Variants in DHX36 observed in about 807,000 individuals in gnomAD.
DHX36 encodes the protein DEAH-box helicase 36.
DHX36 carries 50 observed loss-of-function variants against 139.0 expected under a neutral mutation model. The observed-to-expected ratio is 0.36, with a 90% CI of 0.29 to 0.46. The LOEUF (loss-of-function observed/expected upper bound fraction) is 0.46. Ranked by LOEUF, DHX36 falls within the 20% of genes least tolerant of loss-of-function variation. DHX36 has a pLI of 1.00. For synonymous variants in DHX36, 425 were observed against 401.9 expected, an observed-to-expected ratio of 1.06 and a Z score of -0.69; for missense variants, 1,024 against 1,211.3, an observed-to-expected ratio of 0.85 and a Z score of 2.29.
At chr3:154,309,152 C>A (rs998013161) in intron 5 of DHX36, among the ~76,000 whole-genome samples, 1 of 151,900 alleles carries the variant, frequency 6.6e-6, no homozygotes, top group Non-Finnish European at 1.5e-5. Context: ...ATCACCACTG[C>A]GCTCCAGCTT....
chr3:154,317,185 A>G lies in DHX36; in HGVS notation c.244-1022T>C, dbSNP rs1713020472. 2.0e-5 allele frequency among the ~76,000 whole-genome samples: 3 copies of G among 152,204 alleles called. No individual in the cohort carries two copies. In the South Asian group the frequency reaches 6.2e-4, roughly 32 times the overall value. On this transcript the variant is annotated intron_variant, in intron 1 of 24. Transcript: ENST00000496811. ...TGAGAGAGCAGCAGTAAGATGAATC[A>G]TTAAAAGGAAGCTGCTCTGTGTTAC...
chr3:154,290,857 G>A (rs1045592732), intron 15 of DHX36, among the ~76,000 whole-genome samples: 1 of 150,860 alleles, frequency 6.6e-6, no homozygotes, highest in South Asian at 2.1e-4. Context: ...CATTGAGGCC[G>A]GGCGCGGTGG....
At chr3:154,301,626 C>T (rs1196302644) in intron 9 of DHX36, among the ~76,000 whole-genome samples, 2 of 152,104 alleles carry the variant, frequency 1.3e-5, no homozygotes, top group Admixed American at 6.5e-5. Flanking sequence ...TACAGACCCA[C>T]GCTAGAGAAC....
chr3:154,287,421 G>C (rs570212276), intron 17 of DHX36, among the ~76,000 whole-genome samples: 2 of 152,254 alleles, frequency 1.3e-5, no homozygotes, highest in African/African-American at 4.8e-5. Context: ...TTGGGAGGCT[G>C]AGGTGTGCGG....
At chr3:154,307,170 T>G (rs1023690567) in intron 5 of DHX36, among the ~76,000 whole-genome samples, 2 of 152,052 alleles carry the variant, frequency 1.3e-5, no homozygotes, top group African/African-American at 4.8e-5. Flanking sequence ...CTGAAACTAC[T>G]AGAAGAAAAC....
At chr3:154,316,222 ATT>A in intron 1 of DHX36, 59 bp from the exon 2 acceptor site, 1 of 1,598,990 alleles carries the variant, frequency 6.3e-7, no homozygotes, top group Non-Finnish European at 8.5e-7. Flanking sequence ...TGCAAAAATT[ATT>A]TGATACTGAA....
rs1307780505 is a variant in DHX36 at position 154,280,833 on chromosome 3, A to G, written c.2406T>C (p.Ala802=). 1 of 1,613,472 alleles carries G rather than the reference A, an allele frequency of 6.2e-7. No individual in the cohort carries two copies. Among genetic ancestry groups the G allele is most frequent in the East Asian group, 2.2e-5 (1 of 44,848 alleles). Residue 802 remains alanine, a synonymous_variant, in exon 21 of 25, where the codon GCT becomes GCC. Coordinates refer to ENST00000496811, the MANE Select transcript of DHX36 (RefSeq NM_020865.3). ...QMLHNMKGQF[A]EHLLGAGFVS... is the part of the protein sequence containing the mutation. ...CAAATCCAGCTCCAAGAAGATGCTC[A>G]GCAAACTGTCCTTTCATGTTATGCA... is the stretch of plus-strand genomic sequence containing the variant.
rs1389630626 is a variant in DHX36, at chr3:154,290,250, T to C, written c.1815-424A>G. ...TTACTGAAAAACATTTTAAGTACTATATATTTAGTGAGTTTTCAGAGGGAT... is the reference window on the plus strand; with the variant it reads ...TTACTGAAAAACATTTTAAGTACTACATATTTAGTGAGTTTTCAGAGGGAT... On this transcript the variant is annotated intron_variant, in intron 15 of 24. Transcript: ENST00000496811. 3.3e-5 allele frequency among the ~76,000 whole-genome samples: 5 copies of C among 152,290 alleles called. No individual in the cohort carries two copies. The East Asian group carries it at 7.7e-4, about 24-fold the overall frequency.
chr3:154,277,798 G>A (rs1719198099), intron 22 of DHX36, 80 bp from the exon 23 acceptor site: 2 of 1,300,754 alleles, frequency 1.5e-6, no homozygotes, highest in Non-Finnish European at 2.1e-6. Context: ...TTGAAAAACT[G>A]ATAGAAGAGC....
At chr3:154,292,839 T>A in intron 14 of DHX36, 145 bp from the exon 15 acceptor site, 1 of 1,357,864 alleles carries the variant, frequency 7.4e-7, no homozygotes, top group Non-Finnish European at 9.7e-7. Context: ...TCAAATGATT[T>A]TAGCCATTCA....
chr3:154,282,842 A>G (rs1719372538), intron 20 of DHX36, among the ~76,000 whole-genome samples: 1 of 152,134 alleles, frequency 6.6e-6, no homozygotes, highest in African/African-American at 2.4e-5. Flanking sequence ...ACTATACTAA[A>G]CCAGAAAACT....
At position 154,276,049 on chromosome 3, in the gene DHX36, T is replaced by C; in HGVS notation, c.*122A>G. On this transcript the variant is annotated 3_prime_UTR_variant, in exon 25 of 25. Coordinates refer to ENST00000496811, the MANE Select transcript of DHX36 (RefSeq NM_020865.3). ...TGCACATTAAGTCTTTACTACCTAC[T>C]GAAGGCTTCTACCTTACACATGAAA... 3.9e-6 allele frequency: 3 copies of C among 772,848 alleles called. No individual in the cohort carries two copies. The South Asian group carries it at 6.0e-5, about 15-fold the overall frequency. 47.9% of individuals were successfully genotyped at this position (772,848 alleles called of 1,614,324 possible). A position where few individuals can be genotyped will look rare whatever the true frequency, so the allele number is the denominator to read the frequency against.
At chr3:154,298,647 T>C (rs551436265) in intron 12 of DHX36, among the ~76,000 whole-genome samples, 18 of 152,354 alleles carry the variant, frequency 1.2e-4, no homozygotes, top group African/African-American at 4.1e-4. Flanking sequence ...CTGGGCGTGG[T>C]GGCTCATGCC....
chr3:154,299,863 C>T lies in DHX36; in HGVS notation c.1524G>A (p.Leu508=). 6.2e-7 allele frequency: 1 copy of T among 1,613,018 alleles called. No individual in the cohort carries two copies. The highest frequency in any genetic ancestry group is 8.5e-7 in the Non-Finnish European group (1 of 1,179,142). ...CTGATTTAAACATTACTTGTGACATCAAGAGATCATGTAAAGTGCTGATAT... is the reference window on the plus strand; with the variant it reads ...CTGATTTAAACATTACTTGTGACATTAAGAGATCATGTAAAGTGCTGATAT... ...WDNISTLHDL[L]MSQVMFKSDK... is the part of the protein sequence containing the mutation. The change falls in exon 12 of 25, where the codon TTG becomes TTA. Residue 508 remains leucine, a synonymous_variant. Coordinates refer to ENST00000496811, the MANE Select transcript of DHX36 (RefSeq NM_020865.3).
intron 3 of DHX36, chr3:154,314,651 T>C (rs1712893953): frequency 6.4e-6 from 1 of 156,182 alleles, no homozygotes; most frequent in South Asian, 2.0e-4. Context: ...CATCACATAA[T>C]TTTTGAAATA....
intron 1 of DHX36, among the ~76,000 whole-genome samples, chr3:154,319,960 T>C (rs781558940): frequency 1.2e-4 from 18 of 152,160 alleles, no homozygotes; most frequent in Non-Finnish European, 1.8e-4. Context: ...TACTGGAAAA[T>C]GTTCCACTTC....
intron 1 of DHX36, among the ~76,000 whole-genome samples, chr3:154,317,719 T>A (rs1160197286): frequency 6.6e-6 from 1 of 152,022 alleles, no homozygotes; most frequent in Non-Finnish European, 1.5e-5. Flanking sequence ...TTTTTGAGGT[T>A]TGGTTTTGAT....
intron 5 of DHX36, among the ~76,000 whole-genome samples, 153 bp from the exon 6 acceptor site, chr3:154,306,448 T>C (rs1019589801): frequency 6.6e-6 from 1 of 152,148 alleles, no homozygotes; most frequent in Non-Finnish European, 1.5e-5. Context: ...TCTAAAACAG[T>C]GTGTGCCTCT....
intron 14 of DHX36, among the ~76,000 whole-genome samples, chr3:154,293,284 A>C (rs1324155931): frequency 1.3e-5 from 2 of 151,696 alleles, no homozygotes; most frequent in Non-Finnish European, 2.9e-5. Context: ...AGGTTAAAAA[A>C]CCCCCACAAA....
Sources: gnomAD v4.1 joint callset for allele counts (sites outside exome capture counted in the v4.1 genomes callset) on GRCh38, gnomAD v4.1.1 for gene constraint, MANE v1.5 for transcripts, NCBI Gene and HGNC (gene_info 2026-07-23, HGNC 2026-07-21) for gene names.